Variants in AFF2 observed in about 807,000 individuals in gnomAD.
AFF2 encodes the protein ALF transcription elongation factor 2.
Under a neutral mutation model 76.9 loss-of-function variants are expected in AFF2, and 14 were observed. That is an observed-to-expected ratio of 0.18 (90% confidence interval 0.12 to 0.28). The LOEUF (loss-of-function observed/expected upper bound fraction) is 0.28, where lower values mean the gene tolerates loss of function less well. Among genes scored for constraint, AFF2 ranks in the 10% least tolerant of loss-of-function variants. The probability of loss-of-function intolerance (pLI) is 1.00; values close to 1 mark genes in which losing one functional copy is unlikely to be tolerated. For synonymous variants in AFF2, 398 were observed against 366.7 expected (o/e 1.09, Z -0.98); for missense variants, 868 against 1,001.1 (o/e 0.87, Z 1.79).
chrX:148,756,143 A>T (rs2055558711), intron 3 of AFF2, among the ~76,000 whole-genome samples: 1 of 112,485 alleles, frequency 8.9e-6, no homozygotes, highest in Non-Finnish European at 1.9e-5. Context: ...CACTTCCATT[A>T]TCTGCAAAAT....
intron 7 of AFF2, among the ~76,000 whole-genome samples, chrX:148,853,192 T>A (rs1238054584): frequency 1.8e-5 from 2 of 111,528 alleles, no homozygotes; most frequent in Non-Finnish European, 3.8e-5. Context: ...TACTTTCTAG[T>A]TCTTTGGCAT....
intron 4 of AFF2, among the ~76,000 whole-genome samples, chrX:148,820,467 A>G (rs2070314989): frequency 8.9e-6 from 1 of 112,324 alleles, no homozygotes; most frequent in Non-Finnish European, 1.9e-5. Flanking sequence ...GCAAACTCAG[A>G]TTTATACATT....
intron 1 of AFF2, among the ~76,000 whole-genome samples, chrX:148,535,315 GT>G (rs1569550904): frequency 1.8e-5 from 2 of 111,562 alleles, no homozygotes; most frequent in African/African-American, 6.5e-5. Context: ...TTACAAAACA[GT>G]TTTTTTTGGT....
In AFF2 at chrX:148,521,414, A is replaced by ACACACT. The variant is rs782717428; in HGVS notation, c.47+20271_47+20272insACACTC. Among the ~76,000 whole-genome samples, 9 of 103,159 alleles carry ACACACT rather than the reference A, an allele frequency of 8.7e-5. No homozygotes were observed. In the South Asian group the frequency reaches 2.2e-3, roughly 25 times the overall value. The allele number at this position is 103,159 out of a possible 115,157, so 89.6% of individuals were successfully genotyped here. A position where few individuals can be genotyped will look rare whatever the true frequency, so the allele number is the denominator to read the frequency against. ...CACACACACACACACACACACACTC[A>ACACACT]CTGAGACTTTTGCCTGGATCTTGCA... On this transcript the variant is annotated intron_variant, in intron 1 of 20. Transcript: ENST00000370460.
chrX:148,645,221 G>A (rs911592004), intron 1 of AFF2, among the ~76,000 whole-genome samples: 4 of 111,481 alleles, frequency 3.6e-5, no homozygotes, highest in African/African-American at 6.5e-5. Context: ...TTTACATATC[G>A]CTTTATCAGG....
At chrX:148,696,109 G>A (rs1022179023) in intron 3 of AFF2, among the ~76,000 whole-genome samples, 2 of 111,933 alleles carry the variant, frequency 1.8e-5, no homozygotes, top group Non-Finnish European at 3.8e-5. Context: ...GTTGTATAAT[G>A]TTGCCATTAG....
At chrX:148,621,941 G>A (rs1267384016) in intron 1 of AFF2, among the ~76,000 whole-genome samples, 1 of 112,012 alleles carries the variant, frequency 8.9e-6, no homozygotes, top group East Asian at 2.8e-4. Context: ...ACTAAATTAT[G>A]ATGTTAACAT....
Position 148,501,064 on chromosome X carries a change from A to C in AFF2, c.-34A>C. ...CCGCGCCGACCCGCTGCGATCAGGG[A>C]CAGGCGCCCGCCCGCCGCCGCCGCC... On this transcript the variant is annotated 5_prime_UTR_variant, in exon 1 of 21. Transcript: ENST00000370460. 8.4e-7 allele frequency: 1 copy of C among 1,193,815 alleles called. No homozygotes were observed. The highest frequency in any genetic ancestry group is 1.9e-5 in the African/African-American group (1 of 53,422).
intron 3 of AFF2, among the ~76,000 whole-genome samples, chrX:148,766,912 G>T (rs1046057625): frequency 1.8e-5 from 2 of 111,369 alleles, no homozygotes; most frequent in Non-Finnish European, 3.8e-5. Context: ...CTTGAATCTT[G>T]GTTGTAGTAT....
chrX:148,825,382 C>A (rs782125313), intron 4 of AFF2, among the ~76,000 whole-genome samples: 1 of 111,814 alleles, frequency 8.9e-6, no homozygotes, highest in Admixed American at 9.5e-5. Context: ...TGAATTCTAA[C>A]CCCCAAATAC....
intron 3 of AFF2, among the ~76,000 whole-genome samples, chrX:148,752,153 T>C (rs2055509448): frequency 9.0e-6 from 1 of 111,620 alleles, no homozygotes; most frequent in Admixed American, 9.5e-5. Flanking sequence ...TTTCAACATA[T>C]GAATTTGGGG....
chrX:148,994,899 T>C lies in AFF2; in HGVS notation c.*3567T>C, dbSNP rs1381938280. The C allele has an allele frequency of 8.9e-6, 1 of 111,867 alleles. No homozygotes were observed. Among genetic ancestry groups the C allele is most frequent in the Non-Finnish European group, 1.9e-5 (1 of 53,063 alleles). 9.2% of individuals were successfully genotyped at this position (111,867 alleles called of 1,213,427 possible). On this transcript the variant is annotated 3_prime_UTR_variant, in exon 21 of 21. Coordinates refer to ENST00000370460, the MANE Select transcript of AFF2 (RefSeq NM_002025.4). ...ACATGATAAAATTCACCTGCATGAGTTGGCAGGTGGGAGAACCAAACTGGA... is the reference window on the plus strand; with the variant it reads ...ACATGATAAAATTCACCTGCATGAGCTGGCAGGTGGGAGAACCAAACTGGA...
rs910642662 is a variant in AFF2, at chrX:148,642,623, G to A, written c.48-9376G>A. Reference sequence around the variant, plus strand: ...AAGCAACTGGTATGGAACTTGGGACGTGGCGCATGGGATGAAGCCAGGACA... The same window carrying A: ...AAGCAACTGGTATGGAACTTGGGACATGGCGCATGGGATGAAGCCAGGACA... On this transcript the variant is annotated intron_variant, in intron 1 of 20. Transcript: ENST00000370460. 1.8e-4 allele frequency among the ~76,000 whole-genome samples: 20 copies of A among 111,809 alleles called. 1 individual carries two copies. In the Admixed American group the frequency reaches 1.9e-3, roughly 11 times the overall value.
At chrX:148,878,178 G>A (rs1292788296) in intron 7 of AFF2, among the ~76,000 whole-genome samples, 1 of 111,840 alleles carries the variant, frequency 8.9e-6, no homozygotes, top group Admixed American at 9.5e-5. Flanking sequence ...GTCCTCACTT[G>A]GCATCTGAGC....
At chrX:148,847,243 T>C (rs1390378429) in intron 7 of AFF2, among the ~76,000 whole-genome samples, 1 of 112,027 alleles carries the variant, frequency 8.9e-6, no homozygotes, top group Admixed American at 9.4e-5. Flanking sequence ...ACATCATACA[T>C]AGGAATAGAT....
At chrX:148,725,699 C>T (rs1400767397) in intron 3 of AFF2, among the ~76,000 whole-genome samples, 1 of 111,840 alleles carries the variant, frequency 8.9e-6, no homozygotes, top group Non-Finnish European at 1.9e-5. Flanking sequence ...CTGTCTTTGT[C>T]GAGACATCTG....
intron 1 of AFF2, among the ~76,000 whole-genome samples, chrX:148,615,425 A>G (rs1356300109): frequency 1.8e-5 from 2 of 112,181 alleles, no homozygotes; most frequent in Non-Finnish European, 3.8e-5. Context: ...TCAAACCATT[A>G]TCGTGGCTCT....
chrX:148,536,161 AG>A (rs1419647803), intron 1 of AFF2, among the ~76,000 whole-genome samples: 4 of 109,192 alleles, frequency 3.7e-5, no homozygotes. Flanking sequence ...AGTGGGCCAA[AG>A]ATTGTACCAC....
intron 1 of AFF2, among the ~76,000 whole-genome samples, chrX:148,642,349 A>G (rs2054098639): frequency 8.9e-6 from 1 of 112,729 alleles, no homozygotes; most frequent in South Asian, 3.6e-4. Flanking sequence ...CCTTAGTTTA[A>G]AAGTAATTAA....
Sources: allele counts gnomAD v4.1 joint callset (sites outside exome capture counted in the v4.1 genomes callset), GRCh38; gene constraint gnomAD v4.1.1; transcripts MANE v1.5; gene names NCBI Gene and HGNC (gene_info 2026-07-23, HGNC 2026-07-21).